The following IGSF21 variants were observed in gnomAD, a reference collection of about 807,000 sequenced individuals.
IGSF21 encodes immunoglobulin superfamily member 21.
IGSF21 carries 28 observed loss-of-function variants against 46.8 expected under a neutral mutation model. The observed-to-expected ratio is 0.60, with a 90% confidence interval of 0.44 to 0.82. IGSF21 has a LOEUF of 0.82. Ranked by LOEUF, IGSF21 falls within the 40% of genes least tolerant of loss-of-function variation. IGSF21 has a pLI of 0.00. For missense variants in IGSF21, 624 were observed against 665.5 expected, an observed-to-expected ratio of 0.94 and a Z score of 0.69; for synonymous variants, 284 against 273.6, an observed-to-expected ratio of 1.04 and a Z score of -0.38.
chr1:18,352,799 G>A (rs922639715), intron 4 of IGSF21, among the ~76,000 whole-genome samples: 8 of 152,224 alleles, frequency 5.3e-5, no homozygotes, highest in African/African-American at 1.9e-4. Context: ...ACAGCTGGCA[G>A]GGGAGGGGCA....
chr1:18,165,464 A>G (rs1477428261), intron 1 of IGSF21, among the ~76,000 whole-genome samples: 1 of 152,198 alleles, frequency 6.6e-6, no homozygotes, highest in Admixed American at 6.5e-5. Context: ...TAACAGCCTC[A>G]TTTTAGGCCA....
intron 2 of IGSF21, among the ~76,000 whole-genome samples, chr1:18,244,413 G>A (rs1042059913): frequency 2.0e-5 from 3 of 152,214 alleles, no homozygotes; most frequent in South Asian, 2.1e-4. Flanking sequence ...CAGGAATCAC[G>A]GTTTAAGGGG....
rs141713686 is a variant in IGSF21 at position 18,376,860 on chromosome 1, G to C, written c.1162G>C (p.Gly388Arg). The change falls in exon 8 of 10, where the codon GGC becomes CGC. Residue 388 changes from glycine (G) to arginine (R), a missense_variant. Gly to Arg is a moderately radical substitution (Grantham distance 125). Coordinates refer to ENST00000251296, the MANE Select transcript of IGSF21 (RefSeq NM_032880.5). ...WTRVGSRLLD[G>R]SAEFDGKELV... ...GCGGGTTGGGAGCCGCCTCCTGGACGGCAGCGCTGAGTTCGACGGGAAGGA... is the reference window on the plus strand; with the variant it reads ...GCGGGTTGGGAGCCGCCTCCTGGACCGCAGCGCTGAGTTCGACGGGAAGGA... 49 of 1,611,786 alleles carry C rather than the reference G, an allele frequency of 3.0e-5. No homozygotes were observed. The highest frequency in any genetic ancestry group is 3.6e-5 in the Non-Finnish European group (43 of 1,178,272).
intron 2 of IGSF21, among the ~76,000 whole-genome samples, chr1:18,237,720 A>G (rs1253935514): frequency 2.0e-5 from 3 of 152,122 alleles, no homozygotes; most frequent in African/African-American, 7.2e-5. Context: ...TCATCTTTGC[A>G]TCTCTTGCGG....
chr1:18,355,071 T>C (rs896826875), intron 4 of IGSF21, among the ~76,000 whole-genome samples: 3 of 152,216 alleles, frequency 2.0e-5, no homozygotes, highest in African/African-American at 7.2e-5. Context: ...CAAAGTTCTA[T>C]GGGATGTTGG....
At chr1:18,227,866 C>A in intron 1 of IGSF21, 32 bp from the exon 2 acceptor site, 1 of 1,540,770 alleles carries the variant, frequency 6.5e-7, no homozygotes, top group Non-Finnish European at 9.0e-7. Flanking sequence ...TCTGCTCGTG[C>A]CCTTACCACC....
intron 2 of IGSF21, among the ~76,000 whole-genome samples, chr1:18,247,829 A>C (rs115376473): frequency 0.01 from 1,554 of 152,308 alleles, 27 homozygotes; most frequent in African/African-American, 0.035. Context: ...ACAGAGACAC[A>C]GAAAGGCAAT....
chr1:18,374,978 C>T (rs1027680039), intron 6 of IGSF21, among the ~76,000 whole-genome samples: 3 of 152,196 alleles, frequency 2.0e-5, no homozygotes, highest in Non-Finnish European at 2.9e-5. Context: ...CCCTCCCTGA[C>T]CTGCCTCTGT....
In IGSF21 at chr1:18,307,305, A is replaced by G. The variant is rs1478250657; in HGVS notation, c.305+15318A>G. ...ACTTCCCTGGACCTCTGCTTCCCCC[A>G]TGGGAGCGATGATATAGCAAGAGCC... On this transcript the variant is annotated intron_variant, in intron 3 of 9. Transcript: ENST00000251296. 3.3e-5 allele frequency among the ~76,000 whole-genome samples: 5 copies of G among 152,064 alleles called. No individual in the cohort carries two copies. The East Asian group carries it at 9.6e-4, about 29-fold the overall frequency.
chr1:18,205,641 G>C (rs576487069), intron 1 of IGSF21, among the ~76,000 whole-genome samples: 10 of 152,312 alleles, frequency 6.6e-5, no homozygotes, highest in Non-Finnish European at 1.5e-4. Context: ...CCAAGCGTTT[G>C]ATTTTAAGCT....
At chr1:18,276,810 G>T (rs1308317442) in intron 2 of IGSF21, among the ~76,000 whole-genome samples, 12 of 152,178 alleles carry the variant, frequency 7.9e-5, no homozygotes, top group Non-Finnish European at 1.8e-4. Context: ...CCTTCCCGCT[G>T]CCTGCCAGGG....
chr1:18,126,816 C>G (rs1030589725), intron 1 of IGSF21, among the ~76,000 whole-genome samples: 1 of 152,162 alleles, frequency 6.6e-6, no homozygotes, highest in Non-Finnish European at 1.5e-5. Context: ...CCCCACACCC[C>G]CTCCAGAGCC....
intron 3 of IGSF21, among the ~76,000 whole-genome samples, chr1:18,327,761 G>A (rs2085671652): frequency 1.3e-5 from 2 of 152,180 alleles, no homozygotes; most frequent in Admixed American, 1.3e-4. Context: ...AAGGGCACAA[G>A]GAGCTTTTTG....
At chr1:18,201,024 CAAAG>C (rs2087068132) in intron 1 of IGSF21, among the ~76,000 whole-genome samples, 1 of 152,150 alleles carries the variant, frequency 6.6e-6, no homozygotes, top group Non-Finnish European at 1.5e-5. Context: ...TTTATGGAAG[CAAAG>C]ATAGTGTCCC....
At chr1:18,361,190 C>G (rs941119565) in intron 4 of IGSF21, among the ~76,000 whole-genome samples, 1 of 152,236 alleles carries the variant, frequency 6.6e-6, no homozygotes, top group African/African-American at 2.4e-5. Context: ...TGTTTTCAGT[C>G]TCTTCCAAAT....
intron 2 of IGSF21, among the ~76,000 whole-genome samples, chr1:18,234,539 G>A (rs1007798935): frequency 1.1e-4 from 17 of 152,280 alleles, no homozygotes; most frequent in African/African-American, 4.1e-4. Flanking sequence ...AAGGAAAGAG[G>A]TTTAATTAAC....
chr1:18,231,625 T>G (rs1287630853), intron 2 of IGSF21, among the ~76,000 whole-genome samples: 1 of 152,168 alleles, frequency 6.6e-6, no homozygotes, highest in African/African-American at 2.4e-5. Flanking sequence ...TCAAATTAAT[T>G]TTAAAATTCA....
At chr1:18,292,936 G>A (rs183400552) in intron 3 of IGSF21, among the ~76,000 whole-genome samples, 1 of 152,330 alleles carries the variant, frequency 6.6e-6, no homozygotes, top group East Asian at 1.9e-4. Flanking sequence ...CAGGTGCCCA[G>A]CCTGAAAGTA....
intron 3 of IGSF21, among the ~76,000 whole-genome samples, chr1:18,304,628 C>T (rs928476963): frequency 6.6e-6 from 1 of 152,096 alleles, no homozygotes; most frequent in Non-Finnish European, 1.5e-5. Context: ...GCCTGCTGGG[C>T]AGAATTGCTG....
Sources: gnomAD v4.1 joint callset for allele counts (sites outside exome capture counted in the v4.1 genomes callset) on GRCh38, gnomAD v4.1.1 for gene constraint, MANE v1.5 for transcripts, NCBI Gene and HGNC (gene_info 2026-07-23, HGNC 2026-07-21) for gene names.